Variants in PRKCH observed in about 807,000 individuals in gnomAD.
PRKCH encodes the protein protein kinase C eta.
Under a neutral mutation model 82.5 loss-of-function variants are expected in PRKCH, and 28 were observed. The observed-to-expected ratio is 0.34, with a 90% CI of 0.25 to 0.47. PRKCH has a LOEUF of 0.47. Among genes scored for constraint, PRKCH ranks in the 20% least tolerant of loss-of-function variants. The pLI is 1.00. For missense variants in PRKCH, 705 were observed against 881.8 expected, an observed-to-expected ratio of 0.80 and a Z score of 2.54; for synonymous variants, 322 against 327.4, an observed-to-expected ratio of 0.98 and a Z score of 0.18.
chr14:61,229,734 C>T (rs1489600416), intron 1 of PRKCH, among the ~76,000 whole-genome samples: 1 of 152,164 alleles, frequency 6.6e-6, no homozygotes, highest in Non-Finnish European at 1.5e-5. Flanking sequence ...GACACCCCAC[C>T]TAACCACATT....
Position 61,371,403 on chromosome 14 carries a change from A to G in PRKCH, c.364-19822A>G, listed in dbSNP as rs553591566. Among the ~76,000 whole-genome samples, 16 of 152,142 alleles carry G rather than the reference A, an allele frequency of 1.1e-4. No homozygotes were observed. In the South Asian group the frequency reaches 2.3e-3, roughly 22 times the overall value. ...GTTAGGATCCCATTCAAGATACCAC[A>G]TCATGTTTATATGTCTGCTTAGGTT... On this transcript the variant is annotated intron_variant, in intron 1 of 13. Transcript: ENST00000332981.
chr14:61,260,656 T>A (rs2140079519), intron 1 of PRKCH, among the ~76,000 whole-genome samples: 1 of 152,294 alleles, frequency 6.6e-6, no homozygotes, highest in Admixed American at 6.5e-5. Flanking sequence ...AGGATGATTT[T>A]TTTTCTTAAA....
intron 1 of PRKCH, among the ~76,000 whole-genome samples, chr14:61,245,290 C>G (rs2044870018): frequency 2.0e-5 from 3 of 152,152 alleles, no homozygotes; most frequent in Admixed American, 2.0e-4. Context: ...TCAGGTAGCC[C>G]TAAGATAGGT....
intron 2 of PRKCH, among the ~76,000 whole-genome samples, chr14:61,440,608 G>A (rs1213937877): frequency 6.6e-6 from 1 of 152,216 alleles, no homozygotes; most frequent in Non-Finnish European, 1.5e-5. Flanking sequence ...AGGCATGGTG[G>A]CTCACGCCTG....
chr14:61,198,648 AC>A (rs1323006310), intron 1 of PRKCH, among the ~76,000 whole-genome samples: 1 of 152,210 alleles, frequency 6.6e-6, no homozygotes, highest in African/African-American at 2.4e-5. Context: ...TGTTCAACAA[AC>A]CTTTTTCTTT....
chr14:61,431,268 C>T (rs544319124), intron 2 of PRKCH, among the ~76,000 whole-genome samples: 1 of 152,174 alleles, frequency 6.6e-6, no homozygotes, highest in South Asian at 2.1e-4. Flanking sequence ...ACTGCACATG[C>T]GGACAGCCCA....
intron 9 of PRKCH, among the ~76,000 whole-genome samples, chr14:61,463,638 G>T (rs879504606): frequency 5.9e-5 from 9 of 152,032 alleles, no homozygotes; most frequent in Non-Finnish European, 1.3e-4. Context: ...TGATAATCTG[G>T]ACTACAAAAA....
At chr14:61,219,520 G>A (rs1457754874) in intron 1 of PRKCH, among the ~76,000 whole-genome samples, 1 of 152,168 alleles carries the variant, frequency 6.6e-6, no homozygotes, top group African/African-American at 2.4e-5. Context: ...CAGGTGAGGA[G>A]TTAGTTAGCC....
intron 2 of PRKCH, among the ~76,000 whole-genome samples, chr14:61,413,335 C>A (rs1199367486): frequency 1.3e-5 from 2 of 151,482 alleles, no homozygotes; most frequent in African/African-American, 4.9e-5. Context: ...AGTGGTGGTC[C>A]CCAGCACCCC....
At chr14:61,370,079 G>A (rs2046345610) in intron 1 of PRKCH, among the ~76,000 whole-genome samples, 2 of 151,886 alleles carry the variant, frequency 1.3e-5, no homozygotes, top group Non-Finnish European at 2.9e-5. Flanking sequence ...AAGTAATTGG[G>A]ATTACAGGCG....
At chr14:61,535,132 T>C (rs1313114789) in intron 12 of PRKCH, among the ~76,000 whole-genome samples, 1 of 152,188 alleles carries the variant, frequency 6.6e-6, no homozygotes. Context: ...CAAATAGATA[T>C]TGATCTGTTT....
At chr14:61,385,613 G>T (rs1052644342) in intron 1 of PRKCH, among the ~76,000 whole-genome samples, 1 of 152,130 alleles carries the variant, frequency 6.6e-6, no homozygotes, top group Admixed American at 6.5e-5. Context: ...TGAAAGTCAG[G>T]TCACACACTC....
intron 9 of PRKCH, among the ~76,000 whole-genome samples, chr14:61,469,556 C>T (rs535198638): frequency 2.0e-5 from 3 of 152,330 alleles, no homozygotes; most frequent in Non-Finnish European, 2.9e-5. Context: ...GGACCTGAAG[C>T]GGCTGCCAAG....
intron 2 of PRKCH, among the ~76,000 whole-genome samples, chr14:61,437,675 T>C (rs1164593283): frequency 4.6e-5 from 7 of 152,142 alleles, no homozygotes; most frequent in Admixed American, 3.9e-4. Flanking sequence ...GTGCAGGGTG[T>C]GTGGAAGATT....
At chr14:61,392,372 A>G (rs2046697083) in intron 2 of PRKCH, among the ~76,000 whole-genome samples, 1 of 152,218 alleles carries the variant, frequency 6.6e-6, no homozygotes, top group Admixed American at 6.5e-5. Context: ...TACTCCCACC[A>G]GCAATGCATG....
intron 2 of PRKCH, among the ~76,000 whole-genome samples, chr14:61,407,074 AG>A (rs1431331418): frequency 2.6e-5 from 4 of 152,198 alleles, no homozygotes; most frequent in Non-Finnish European, 5.9e-5. Context: ...GGAGAACAAC[AG>A]CCATTTACAT....
At chr14:61,266,332 C>T (rs1452616941) in intron 1 of PRKCH, among the ~76,000 whole-genome samples, 3 of 152,050 alleles carry the variant, frequency 2.0e-5, no homozygotes, top group Non-Finnish European at 4.4e-5. Context: ...GTAGGAGAAT[C>T]ACTTGAACCT....
chr14:61,356,029 G>C (rs944209353), intron 1 of PRKCH, among the ~76,000 whole-genome samples: 1 of 152,094 alleles, frequency 6.6e-6, no homozygotes, highest in African/African-American at 2.4e-5. Context: ...GTAACACATC[G>C]CCACCCCTTT....
chr14:61,428,076 T>TAC (rs1555386066), intron 2 of PRKCH, among the ~76,000 whole-genome samples: 11,181 of 125,938 alleles, frequency 0.089, 640 homozygotes, highest in East Asian at 0.16. Flanking sequence ...GATAGATAGA[T>TAC]ACACACACAC....
Sources: allele counts gnomAD v4.1 joint callset (sites outside exome capture counted in the v4.1 genomes callset), GRCh38; gene constraint gnomAD v4.1.1; transcripts MANE v1.5; gene names NCBI Gene and HGNC (gene_info 2026-07-23, HGNC 2026-07-21).